Variants in ALDH1A2 observed in about 807,000 individuals in gnomAD.
ALDH1A2 encodes aldehyde dehydrogenase 1 family member A2.
A neutral mutation model predicts 60.3 loss-of-function variants in ALDH1A2; 27 were observed. The ratio of observed to expected loss-of-function variants is 0.45; its 90% CI spans 0.33 to 0.62. The LOEUF (loss-of-function observed/expected upper bound fraction) is 0.62. Ranked by LOEUF, ALDH1A2 falls within the 20% of genes least tolerant of loss-of-function variation. The probability of loss-of-function intolerance (pLI) is 0.02; values close to 1 mark genes in which losing one functional copy is unlikely to be tolerated. For synonymous variants in ALDH1A2, 289 were observed against 232.4 expected, an observed-to-expected ratio of 1.24 and a Z score of -2.21; for missense variants, 581 against 643.8, an observed-to-expected ratio of 0.90 and a Z score of 1.06.
intron 1 of ALDH1A2, among the ~76,000 whole-genome samples, chr15:58,029,976 AC>A (rs1383511267): frequency 2.0e-5 from 3 of 152,352 alleles, no homozygotes; most frequent in South Asian, 4.1e-4. Context: ...ACGATCTGGT[AC>A]CATTCCTTCT....
chr15:58,001,586 CATA>C (rs1219737713), intron 4 of ALDH1A2, among the ~76,000 whole-genome samples: 4 of 151,880 alleles, frequency 2.6e-5, no homozygotes, highest in African/African-American at 9.7e-5. Context: ...TCAGATGATA[CATA>C]ATGAGTACTC....
intron 9 of ALDH1A2, among the ~76,000 whole-genome samples, chr15:57,962,831 T>A (rs1893772001): frequency 1.3e-5 from 2 of 152,226 alleles, no homozygotes; most frequent in Non-Finnish European, 2.9e-5. Context: ...CAATCTTCTC[T>A]TGAATAATCC....
At chr15:58,016,417 C>T (rs1416563192) in intron 1 of ALDH1A2, among the ~76,000 whole-genome samples, 3 of 152,072 alleles carry the variant, frequency 2.0e-5, no homozygotes, top group African/African-American at 4.8e-5. Flanking sequence ...GGATTACAGG[C>T]GTGAGCCACT....
At chr15:58,019,861 G>A (rs1354256310) in intron 1 of ALDH1A2, among the ~76,000 whole-genome samples, 2 of 152,140 alleles carry the variant, frequency 1.3e-5, no homozygotes, top group Middle Eastern at 3.4e-3. Flanking sequence ...ACATGTGCAG[G>A]ACATGCAGGT....
chr15:57,992,009 T>C (rs1377007491), intron 7 of ALDH1A2, among the ~76,000 whole-genome samples: 1 of 152,226 alleles, frequency 6.6e-6, no homozygotes, highest in Non-Finnish European at 1.5e-5. Context: ...TGTTTTGGTA[T>C]GGCCTACAAG....
At chr15:58,020,397 G>T (rs1261014993) in intron 1 of ALDH1A2, among the ~76,000 whole-genome samples, 1 of 152,104 alleles carries the variant, frequency 6.6e-6, no homozygotes, top group African/African-American at 2.4e-5. Context: ...TTCCTGATAT[G>T]GTCAGAAATA....
intron 1 of ALDH1A2, among the ~76,000 whole-genome samples, chr15:58,034,985 T>A (rs757275284): frequency 6.6e-5 from 10 of 151,702 alleles, no homozygotes; most frequent in Non-Finnish European, 1.5e-4. Flanking sequence ...GATGGCCTCA[T>A]AAAATGAGTT....
chr15:57,956,855 T>C (rs561098499), intron 12 of ALDH1A2, among the ~76,000 whole-genome samples: 1 of 152,272 alleles, frequency 6.6e-6, no homozygotes, highest in East Asian at 1.9e-4. Flanking sequence ...TTCACCCCCA[T>C]GTGACTCTCT....
intron 7 of ALDH1A2, chr15:57,990,628 A>G (rs1349218641): frequency 2.0e-5 from 3 of 152,188 alleles, no homozygotes; most frequent in African/African-American, 7.2e-5. Context: ...TAATCCTAGC[A>G]CTTTGGGAGG....
intron 3 of ALDH1A2, among the ~76,000 whole-genome samples, chr15:58,013,478 C>A (rs1479891677): frequency 2.0e-5 from 3 of 152,300 alleles, no homozygotes; most frequent in East Asian, 1.9e-4. Context: ...AAACATGTCT[C>A]ATTTTTCATA....
At chr15:57,987,670 C>T (rs1595642456) in intron 7 of ALDH1A2, among the ~76,000 whole-genome samples, 1 of 151,924 alleles carries the variant, frequency 6.6e-6, no homozygotes, top group Admixed American at 6.6e-5. Flanking sequence ...CACGAGGTCA[C>T]GAGATCCAGA....
chr15:57,995,733 T>C (rs1011340983), intron 4 of ALDH1A2, among the ~76,000 whole-genome samples: 1 of 152,154 alleles, frequency 6.6e-6, no homozygotes, highest in Non-Finnish European at 1.5e-5. Context: ...ACTCCATCAA[T>C]AATCCAAAGC....
chr15:58,007,140 T>C (rs143776572), intron 4 of ALDH1A2, among the ~76,000 whole-genome samples: 2,118 of 152,026 alleles, frequency 0.014, 57 homozygotes, highest in African/African-American at 0.047. Flanking sequence ...AAAGAATCTT[T>C]CAACAGAAAC....
At position 58,009,418 on chromosome 15, in the gene ALDH1A2, C is replaced by A. The variant is rs141374095; in HGVS notation, c.493+1231G>T. On this transcript the variant is annotated intron_variant, in intron 4 of 12. Transcript: ENST00000249750. Reference sequence around the variant, plus strand: ...CATCCACACTATCAGCCAAACCACTCCCTTTTTTAGTAAATCAGTACTGCT... The same window carrying A: ...CATCCACACTATCAGCCAAACCACTACCTTTTTTAGTAAATCAGTACTGCT... Among the ~76,000 whole-genome samples the A allele has an allele frequency of 2.6e-4, 39 of 151,924 alleles. 1 individual carries two copies. Among genetic ancestry groups the A allele is most frequent in the South Asian group, 1.9e-3 (9 of 4,724 alleles).
At chr15:58,032,789 AACACACACAC>A (rs59226967) in intron 1 of ALDH1A2, among the ~76,000 whole-genome samples, 3 of 149,200 alleles carry the variant, frequency 2.0e-5, no homozygotes, top group African/African-American at 7.4e-5. Context: ...AGTGCCCCTC[AACACACACAC>A]ACACACACAC....
intron 8 of ALDH1A2, 29 bp from the exon 9 acceptor site, chr15:57,964,098 C>A (rs4646625): frequency 9.9e-6 from 16 of 1,612,562 alleles, no homozygotes; most frequent in Non-Finnish European, 1.2e-5. Flanking sequence ...ATGTTCTCAC[C>A]GCTTTGCCTG....
intron 1 of ALDH1A2, among the ~76,000 whole-genome samples, chr15:58,029,604 G>A (rs1201539877): frequency 2.0e-5 from 3 of 148,254 alleles, no homozygotes; most frequent in Non-Finnish European, 4.5e-5. Context: ...AAAAATCGAT[G>A]AATCCAGGAG....
At chr15:57,962,310 T>C in intron 9 of ALDH1A2, 134 bp from the exon 10 acceptor site, 1 of 1,098,700 alleles carries the variant, frequency 9.1e-7, no homozygotes, top group Non-Finnish European at 1.3e-6. Context: ...ATAAAACTGC[T>C]GTTACTTACC....
intron 9 of ALDH1A2, among the ~76,000 whole-genome samples, chr15:57,962,989 G>A (rs537624734): frequency 2.0e-4 from 31 of 152,128 alleles, no homozygotes; most frequent in Admixed American, 1.1e-3. Flanking sequence ...CTGTTCAGGA[G>A]AGACTTTGTG....
Sources: allele counts gnomAD v4.1 joint callset (sites outside exome capture counted in the v4.1 genomes callset), GRCh38; gene constraint gnomAD v4.1.1; transcripts MANE v1.5; gene names NCBI Gene and HGNC (gene_info 2026-07-23, HGNC 2026-07-21).